Variants in SDCCAG8 observed in about 807,000 individuals in gnomAD.
SDCCAG8 encodes serologically defined colon cancer antigen 8.
SDCCAG8 carries 74 observed loss-of-function variants against 101.8 expected under a neutral mutation model. That is an observed-to-expected ratio of 0.73 (90% confidence interval 0.60 to 0.88). SDCCAG8 has a LOEUF of 0.88. SDCCAG8 is among the 40% of genes least tolerant of loss of function. SDCCAG8 has a pLI of 0.00. For missense variants in SDCCAG8, 787 were observed against 822.6 expected (o/e 0.96, Z 0.53); for synonymous variants, 281 against 292.9 (o/e 0.96, Z 0.41).
intron 11 of SDCCAG8, 93 bp downstream of exon 11, chr1:243,341,266 G>C (rs1459218559): frequency 7.0e-7 from 1 of 1,435,504 alleles, no homozygotes; most frequent in Non-Finnish European, 9.6e-7. Flanking sequence ...CTGTTATCAG[G>C]AGGAAGTTTG....
rs765231770 is a variant in SDCCAG8, at chr1:243,378,716, C to T, written c.1474-5C>T. 1.2e-6 allele frequency: 2 copies of T among 1,613,666 alleles called. No individual in the cohort carries two copies. The highest frequency in any genetic ancestry group is 1.7e-6 in the Non-Finnish European group (2 of 1,179,760). ...GGATGCTTTTTCCCCTTCTCTCTAC[C>T]TAAGGAAATAGAGAAATTGAGAATA... is the stretch of plus-strand genomic sequence containing the variant. On this transcript the variant is annotated splice_region_variant and splice_polypyrimidine_tract_variant and intron_variant, in intron 12 of 17. Coordinates refer to ENST00000366541, the MANE Select transcript of SDCCAG8 (RefSeq NM_006642.5).
In SDCCAG8 at chr1:243,378,776, A is replaced by T; in HGVS notation, c.1529A>T (p.Glu510Val). The part of the protein sequence containing the change: ...LDESKQHLEQ[E>V]QQKAALAREE... ...GAAAGCAAACAACACTTGGAACAGG[A>T]GCAGCAGAAGGCAGCCCTGGCCAGA... Residue 510 changes from glutamate to valine, a missense_variant, in exon 13 of 18, where the codon GAG becomes GTG. Transcript: ENST00000366541. The T allele has an allele frequency of 6.2e-7, 1 of 1,614,134 alleles. No homozygotes were observed. Among genetic ancestry groups the T allele is most frequent in the Non-Finnish European group, 8.5e-7 (1 of 1,180,004 alleles).
chr1:243,466,912 T>A (rs1379815765), intron 16 of SDCCAG8, among the ~76,000 whole-genome samples: 3 of 152,254 alleles, frequency 2.0e-5, no homozygotes, highest in Non-Finnish European at 4.4e-5. Flanking sequence ...TGACAGTGTC[T>A]CCCACTGGGG....
At chr1:243,358,575 G>C (rs972444637) in intron 12 of SDCCAG8, among the ~76,000 whole-genome samples, 2 of 152,130 alleles carry the variant, frequency 1.3e-5, no homozygotes, top group Admixed American at 1.3e-4. Flanking sequence ...TCAACATAGA[G>C]ATATCATATG....
At chr1:243,371,307 A>T (rs1478074606) in intron 12 of SDCCAG8, among the ~76,000 whole-genome samples, 2 of 152,134 alleles carry the variant, frequency 1.3e-5, no homozygotes, top group African/African-American at 2.4e-5. Flanking sequence ...TAGAAAGATT[A>T]TAGGACTTGA....
chr1:243,483,533 C>A (rs1664198894), intron 16 of SDCCAG8, among the ~76,000 whole-genome samples: 1 of 152,190 alleles, frequency 6.6e-6, no homozygotes, highest in Admixed American at 6.5e-5. Context: ...AGTGCCTCCT[C>A]CCCAGCGGCT....
At chr1:243,389,884 G>T (rs1373935793) in intron 13 of SDCCAG8, among the ~76,000 whole-genome samples, 1 of 152,194 alleles carries the variant, frequency 6.6e-6, no homozygotes, top group African/African-American at 2.4e-5. Context: ...TAAAATCTCA[G>T]CACCCAGACC....
intron 16 of SDCCAG8, among the ~76,000 whole-genome samples, chr1:243,452,414 CTTTTTTTTTTTTTT>C (rs71574667): frequency 4.5e-5 from 3 of 66,654 alleles, no homozygotes; most frequent in African/African-American, 1.8e-4. Context: ...GATCTCATCT[CTTTTTTTTTTTTTT>C]TTTTTTTTTT....
Position 243,448,622 on chromosome 1 carries a change from T to G in SDCCAG8, c.1985+22064T>G, listed in dbSNP as rs114457002. On this transcript the variant is annotated intron_variant, in intron 16 of 17. Transcript: ENST00000366541. Reference sequence around the variant, plus strand: ...TATTTCCCAAGACACAGGTCAGCCATCATCTCCAGTACAGGCTTCCTTAAT... The same window carrying G: ...TATTTCCCAAGACACAGGTCAGCCAGCATCTCCAGTACAGGCTTCCTTAAT... Among the ~76,000 whole-genome samples the G allele has an allele frequency of 3.4e-3, 516 of 152,306 alleles. 4 individuals are homozygous for G. The highest frequency in any genetic ancestry group is 4.5e-3 in the Non-Finnish European group (306 of 68,038).
rs952171520 is a variant in SDCCAG8 at position 243,476,286 on chromosome 1, T to C, written c.1986-12728T>C. 7.3e-5 allele frequency: 72 copies of C among 985,498 alleles called. No individual in the cohort carries two copies. The Middle Eastern group carries it at 2.6e-3, about 36-fold the overall frequency. The allele number at this position is 985,498 out of a possible 1,614,324, so 61.0% of individuals were successfully genotyped here. On this transcript the variant is annotated intron_variant, in intron 16 of 17. Coordinates refer to ENST00000366541, the MANE Select transcript of SDCCAG8 (RefSeq NM_006642.5). ...GGAGCTAAATAAAAAGCTTTCAGCA[T>C]TGACGGTTCCGTAGCGGACGGCCAG...
chr1:243,264,581 T>C (rs919545709), intron 1 of SDCCAG8, among the ~76,000 whole-genome samples: 2 of 151,656 alleles, frequency 1.3e-5, no homozygotes, highest in Non-Finnish European at 2.9e-5. Context: ...ACCATTGCAC[T>C]CCAGCCTGGG....
chr1:243,358,923 CAGAA>C (rs1448270183), intron 12 of SDCCAG8, among the ~76,000 whole-genome samples: 5 of 152,140 alleles, frequency 3.3e-5, no homozygotes, highest in Admixed American at 2.0e-4. Context: ...TCTATAGAGA[CAGAA>C]AGATTAGTGA....
At chr1:243,271,600 T>C (rs970714697) in intron 3 of SDCCAG8, among the ~76,000 whole-genome samples, 13 of 152,142 alleles carry the variant, frequency 8.5e-5, no homozygotes, top group Non-Finnish European at 1.5e-4. Context: ...TAGAGTGCAG[T>C]GGCATGATCT....
intron 13 of SDCCAG8, among the ~76,000 whole-genome samples, chr1:243,394,553 A>G (rs2147953056): frequency 6.6e-6 from 1 of 152,250 alleles, no homozygotes; most frequent in East Asian, 1.9e-4. Context: ...GACTTCATAA[A>G]TATATAGGCA....
intron 17 of SDCCAG8, among the ~76,000 whole-genome samples, chr1:243,498,830 T>C (rs1031051939): frequency 1.3e-5 from 2 of 152,200 alleles, no homozygotes; most frequent in Non-Finnish European, 2.9e-5. Flanking sequence ...GGAAGATGGT[T>C]CCTAACTAAA....
chr1:243,420,477 G>T (rs918258941), intron 15 of SDCCAG8, among the ~76,000 whole-genome samples: 1 of 152,024 alleles, frequency 6.6e-6, no homozygotes, highest in Non-Finnish European at 1.5e-5. Context: ...ATTTTCCGAC[G>T]GACATAAGTC....
At chr1:243,451,633 A>G (rs2083363806) in intron 16 of SDCCAG8, among the ~76,000 whole-genome samples, 1 of 152,200 alleles carries the variant, frequency 6.6e-6, no homozygotes, top group Admixed American at 6.5e-5. Context: ...TATATACTAA[A>G]GGAAATTTAA....
At chr1:243,480,123 G>T (rs1226063296) in intron 16 of SDCCAG8, among the ~76,000 whole-genome samples, 4 of 151,008 alleles carry the variant, frequency 2.6e-5, no homozygotes, top group Non-Finnish European at 5.9e-5. Flanking sequence ...AAGCAGAGAG[G>T]CAGGGCTGCA....
intron 10 of SDCCAG8, among the ~76,000 whole-genome samples, chr1:243,340,135 C>T (rs543093294): frequency 1.0e-3 from 153 of 152,300 alleles, no homozygotes; most frequent in Non-Finnish European, 2.0e-3. Flanking sequence ...TTTACTCATT[C>T]ATCAAATATT....
Sources: gnomAD v4.1 joint callset for allele counts (sites outside exome capture counted in the v4.1 genomes callset) on GRCh38, gnomAD v4.1.1 for gene constraint, MANE v1.5 for transcripts, NCBI Gene and HGNC (gene_info 2026-07-23, HGNC 2026-07-21) for gene names.